BORCS5: variants seen among roughly 807,000 people sequenced by gnomAD.
The protein encoded by BORCS5 is BLOC-1 related complex subunit 5, also known as BLOC-1-related complex subunit 5.
Under a neutral mutation model 22.1 loss-of-function variants are expected in BORCS5, and 17 were observed. The observed-to-expected ratio is 0.77, with a 90% CI of 0.53 to 1.15. BORCS5 has a LOEUF of 1.15. Ranked by LOEUF, BORCS5 falls within the 50% of genes most tolerant of loss-of-function variation. BORCS5 has a pLI of 0.00. For synonymous variants in BORCS5, 117 were observed against 99.8 expected, an observed-to-expected ratio of 1.17 and a Z score of -1.03; for missense variants, 247 against 253.2, an observed-to-expected ratio of 0.98 and a Z score of 0.17.
intron 2 of BORCS5, among the ~76,000 whole-genome samples, chr12:12,392,525 T>A (rs1941221520): frequency 6.6e-6 from 1 of 152,080 alleles, no homozygotes; most frequent in Non-Finnish European, 1.5e-5. Context: ...CAGATCCAGA[T>A]TAAGAACAGC....
Position 12,368,813 on chromosome 12 carries a change from C to T in BORCS5, c.202+7464C>T, listed in dbSNP as rs537288175. Among the ~76,000 whole-genome samples the T allele has an allele frequency of 3.3e-5, 5 of 152,066 alleles. No individual in the cohort carries two copies. In the South Asian group the frequency reaches 8.3e-4, roughly 25 times the overall value. ...GTCTATACAGTCGCTTTAAATTCAGCGTATTCCATCTTCCACTTGTGTATT... is the reference window on the plus strand; with the variant it reads ...GTCTATACAGTCGCTTTAAATTCAGTGTATTCCATCTTCCACTTGTGTATT... On this transcript the variant is annotated intron_variant, in intron 2 of 3. Coordinates refer to ENST00000314565, the MANE Select transcript of BORCS5 (RefSeq NM_058169.6).
intron 2 of BORCS5, among the ~76,000 whole-genome samples, chr12:12,419,962 T>G (rs1055556134): frequency 6.6e-6 from 1 of 152,200 alleles, no homozygotes; most frequent in Non-Finnish European, 1.5e-5. Flanking sequence ...GTCTGATGGA[T>G]AGATTGCAAA....
At chr12:12,465,432 C>A in intron 3 of BORCS5, 114 bp from the exon 4 acceptor site, 1 of 908,810 alleles carries the variant, frequency 1.1e-6, no homozygotes, top group Non-Finnish European at 1.7e-6. Context: ...TCCTGTAAAA[C>A]TTGTCAGCTT....
rs993173336 is a variant in BORCS5 at position 12,380,175 on chromosome 12, C to T, written c.202+18826C>T. Among the ~76,000 whole-genome samples the T allele has an allele frequency of 4.0e-5, 6 of 151,282 alleles. 1 individual carries two copies. The highest frequency in any genetic ancestry group is 1.5e-4 in the African/African-American group (6 of 41,112). ...ATTACAATAGTGACATCAAAGATCA[C>T]TGATCACAGATCACCATGACAGATA... On this transcript the variant is annotated intron_variant, in intron 2 of 3. Transcript: ENST00000314565.
intron 2 of BORCS5, among the ~76,000 whole-genome samples, chr12:12,369,967 T>C (rs984522655): frequency 4.6e-5 from 7 of 151,774 alleles, no homozygotes; most frequent in African/African-American, 1.7e-4. Context: ...TCAGTTGATC[T>C]GCCTGCCTCA....
intron 2 of BORCS5, among the ~76,000 whole-genome samples, chr12:12,376,967 T>C (rs1382404933): frequency 1.3e-5 from 2 of 152,170 alleles, no homozygotes; most frequent in South Asian, 2.1e-4. Context: ...CACAAGCTGA[T>C]TGGGAAATAT....
chr12:12,399,087 G>C (rs903114833), intron 2 of BORCS5, among the ~76,000 whole-genome samples: 11 of 152,232 alleles, frequency 7.2e-5, no homozygotes, highest in Non-Finnish European at 1.5e-4. Context: ...GTGTGTTTCA[G>C]GGGGGCTAAA....
chr12:12,395,081 T>G (rs1941300603), intron 2 of BORCS5, among the ~76,000 whole-genome samples: 1 of 151,324 alleles, frequency 6.6e-6, no homozygotes, highest in Non-Finnish European at 1.5e-5. Context: ...AAAGGACAGG[T>G]GGGGTTTTGG....
intron 3 of BORCS5, chr12:12,452,446 T>G: frequency 3.9e-6 from 2 of 516,780 alleles, no homozygotes; most frequent in East Asian, 5.4e-5. Context: ...AGAGCCGCGG[T>G]TTCCCATGAT....
intron 3 of BORCS5, among the ~76,000 whole-genome samples, chr12:12,441,293 C>A (rs933839538): frequency 6.6e-5 from 10 of 152,176 alleles, no homozygotes; most frequent in African/African-American, 2.4e-4. Context: ...TTTGTATTTG[C>A]AGACAATTTG....
chr12:12,463,864 A>G (rs1943153308), intron 3 of BORCS5, among the ~76,000 whole-genome samples: 2 of 152,150 alleles, frequency 1.3e-5, no homozygotes, highest in African/African-American at 4.8e-5. Context: ...AGAGCCTTGG[A>G]GGCCATTTCA....
intron 2 of BORCS5, among the ~76,000 whole-genome samples, chr12:12,372,150 A>G (rs1195850561): frequency 6.6e-6 from 1 of 151,154 alleles, no homozygotes; most frequent in African/African-American, 2.4e-5. Flanking sequence ...AGCAATTCTC[A>G]TGCCTTAGTC....
intron 2 of BORCS5, among the ~76,000 whole-genome samples, chr12:12,394,048 G>A (rs1041765071): frequency 2.0e-5 from 3 of 151,952 alleles, no homozygotes; most frequent in Non-Finnish European, 4.4e-5. Flanking sequence ...GCCCTCGGCC[G>A]GGTGCGGTGG....
chr12:12,357,122 AGT>A lies in BORCS5; in HGVS notation c.-328_-327del, dbSNP rs1863153945. The stretch of plus-strand genomic sequence containing the variant: ...CGAGCTTGCGGAGCGTGAACCAGTG[AGT>A]GAAAGCGGCGCCGCCCGCCGGCCGC... On this transcript the variant is annotated 5_prime_UTR_variant, in exon 1 of 4. Transcript: ENST00000314565. The A allele has an allele frequency of 1.4e-5, 21 of 1,534,290 alleles. No homozygotes were observed. The highest frequency in any genetic ancestry group is 1.8e-5 in the Non-Finnish European group (21 of 1,146,088).
chr12:12,421,313 G>GT (rs941729561), intron 2 of BORCS5, among the ~76,000 whole-genome samples: 9 of 152,262 alleles, frequency 5.9e-5, no homozygotes, highest in Admixed American at 5.9e-4. Context: ...ATAATCATGT[G>GT]TTTTTTGTGG....
intron 2 of BORCS5, among the ~76,000 whole-genome samples, chr12:12,413,590 G>A (rs1264534573): frequency 2.1e-5 from 3 of 141,734 alleles, no homozygotes; most frequent in South Asian, 2.2e-4. Flanking sequence ...CCAATGAGCC[G>A]CTGGGCACAC....
intron 2 of BORCS5, among the ~76,000 whole-genome samples, chr12:12,403,522 G>C (rs956817907): frequency 2.0e-5 from 3 of 152,166 alleles, no homozygotes; most frequent in African/African-American, 7.2e-5. Context: ...CAGGAGATGA[G>C]GAAAGGGTAA....
At chr12:12,358,604 G>T (rs1040614078) in intron 1 of BORCS5, among the ~76,000 whole-genome samples, 2 of 152,168 alleles carry the variant, frequency 1.3e-5, no homozygotes, top group African/African-American at 2.4e-5. Flanking sequence ...TTTTTAATTT[G>T]TTTTCTTGCC....
intron 3 of BORCS5, among the ~76,000 whole-genome samples, chr12:12,438,368 AAAAAAAAAAAAACG>A (rs1331312516): frequency 1.5e-4 from 16 of 105,016 alleles, no homozygotes; most frequent in African/African-American, 6.0e-4. Context: ...CTCAAAAAAA[AAAAAAAAAAAAACG>A]AAAAACAACA....
Sources: allele counts gnomAD v4.1 joint callset (sites outside exome capture counted in the v4.1 genomes callset), GRCh38; gene constraint gnomAD v4.1.1; transcripts MANE v1.5; gene names NCBI Gene and HGNC (gene_info 2026-07-23, HGNC 2026-07-21).